The following SCARA3 variants were observed in gnomAD, a reference collection of about 807,000 sequenced individuals.
SCARA3 encodes cellular stress response gene protein.
Under a neutral mutation model 47.0 loss-of-function variants are expected in SCARA3, and 39 were observed. The observed-to-expected ratio is 0.83, with a 90% CI of 0.64 to 1.08. The LOEUF (loss-of-function observed/expected upper bound fraction) is 1.08. SCARA3 is among the 50% of genes least tolerant of loss of function. The pLI is 0.00. For synonymous variants in SCARA3, 356 were observed against 334.1 expected (o/e 1.07, Z -0.71); for missense variants, 724 against 792.3 (o/e 0.91, Z 1.04).
In SCARA3 at chr8:27,655,533, T is replaced by C. The variant is rs1456872005; in HGVS notation, c.227-1249T>C. On this transcript the variant is annotated intron_variant, in intron 3 of 5. Coordinates refer to ENST00000301904, the MANE Select transcript of SCARA3 (RefSeq NM_016240.3). ...GCCCGTGGGGTATAAAGTGGTGTAA[T>C]CTTTTCTGGGCAGCAGTTTGGCAGC... Among the ~76,000 whole-genome samples the C allele has an allele frequency of 3.9e-5, 6 of 152,178 alleles. No individual in the cohort carries two copies. In the East Asian group the frequency reaches 1.2e-3, roughly 29 times the overall value.
chr8:27,710,602 G>T, the SCARA3 span, among the ~76,000 whole-genome samples: 1 of 152,126 alleles, frequency 6.6e-6, no homozygotes, highest in Non-Finnish European at 1.5e-5. Context: ...AAAACAAACG[G>T]ATTGTTTTGA....
downstream of SCARA3, chr8:27,679,906 A>G (rs1257048082): frequency 6.6e-6 from 1 of 152,228 alleles, no homozygotes; most frequent in African/African-American, 2.4e-5. Flanking sequence ...CAAGGTTGAC[A>G]TGCAAATTCA....
intron 5 of SCARA3, among the ~76,000 whole-genome samples, chr8:27,660,792 T>C (rs1419750804): frequency 2.0e-5 from 3 of 150,064 alleles, no homozygotes; most frequent in African/African-American, 4.9e-5. Context: ...ACAGAGATGA[T>C]AGGGATGAGA....
At chr8:27,659,875 AAAGAGAGAG>A (rs1351009992) in intron 5 of SCARA3, among the ~76,000 whole-genome samples, 12 of 89,304 alleles carry the variant, frequency 1.3e-4, no homozygotes, top group African/African-American at 3.3e-4. Flanking sequence ...AAAAAAAAAA[AAAGAGAGAG>A]AGAGAGAAAA....
At chr8:27,698,772 T>A in the SCARA3 span, among the ~76,000 whole-genome samples, 3 of 152,098 alleles carry the variant, frequency 2.0e-5, no homozygotes, top group African/African-American at 7.2e-5. Context: ...CATAAAAATA[T>A]AAAATATATA....
At chr8:27,678,426 T>G (rs894157040), downstream of SCARA3, among the ~76,000 whole-genome samples, 4 of 150,612 alleles carry the variant, frequency 2.7e-5, no homozygotes, top group Admixed American at 2.6e-4. Flanking sequence ...ACAACTTACA[T>G]GAAAGTGGAC....
At chr8:27,676,549 A>G (rs763141710), downstream of SCARA3, 31 of 1,610,488 alleles carry the variant, frequency 1.9e-5, no homozygotes, top group Admixed American at 1.0e-4. Context: ...GAACATCTCA[A>G]TGTGTTTCAT....
At chr8:27,715,467 G>A in the SCARA3 span, among the ~76,000 whole-genome samples, 3 of 143,394 alleles carry the variant, frequency 2.1e-5, no homozygotes, top group Non-Finnish European at 4.6e-5. This position sits in a 1 kb window ranked among gnomAD's most constrained non-coding sequence, Gnocchi z 4.2. Context: ...TACCCTCCCC[G>A]CCCCACCCAT....
chr8:27,724,645 A>T, the SCARA3 span, among the ~76,000 whole-genome samples: 1 of 152,000 alleles, frequency 6.6e-6, no homozygotes, highest in African/African-American at 2.4e-5. Flanking sequence ...GCGACAGGGC[A>T]AGACTCCTTC....
downstream of SCARA3, chr8:27,679,738 C>T (rs1802330407): frequency 6.6e-6 from 1 of 152,146 alleles, no homozygotes; most frequent in Admixed American, 6.5e-5. Context: ...AGTCTCAATG[C>T]ATTTGAAAAA....
chr8:27,644,562 C>T (rs1801451465), intron 1 of SCARA3, among the ~76,000 whole-genome samples: 1 of 151,858 alleles, frequency 6.6e-6, no homozygotes, highest in African/African-American at 2.4e-5. Context: ...TCTTCCAAGC[C>T]CATCCGCTCC....
the SCARA3 span, among the ~76,000 whole-genome samples, chr8:27,691,898 G>A: frequency 3.9e-5 from 6 of 151,960 alleles, no homozygotes; most frequent in Non-Finnish European, 5.9e-5. Flanking sequence ...ATAAGACAAC[G>A]CCAGATCATG....
intron 3 of SCARA3, among the ~76,000 whole-genome samples, chr8:27,656,185 C>T (rs749342236): frequency 6.6e-6 from 1 of 152,182 alleles, no homozygotes; most frequent in African/African-American, 2.4e-5. Context: ...ACCATATTTA[C>T]ATAACTTTTA....
intron 1 of SCARA3, among the ~76,000 whole-genome samples, chr8:27,648,337 T>A (rs1199434350): frequency 6.6e-6 from 1 of 152,262 alleles, no homozygotes; most frequent in Admixed American, 6.5e-5. Context: ...CAGGGCGCAG[T>A]GGCTCACGCC....
chr8:27,706,780 G>A, the SCARA3 span, among the ~76,000 whole-genome samples: 1 of 152,066 alleles, frequency 6.6e-6, no homozygotes, highest in Non-Finnish European at 1.5e-5. Context: ...GGGAGGAGTC[G>A]GGACTATTTT....
At chr8:27,681,859 A>G in the SCARA3 span, among the ~76,000 whole-genome samples, 2 of 152,250 alleles carry the variant, frequency 1.3e-5, no homozygotes, top group African/African-American at 2.4e-5. Flanking sequence ...TCTATAGTCA[A>G]TGTAATCCCA....
At chr8:27,713,416 T>C in the SCARA3 span, among the ~76,000 whole-genome samples, 1 of 152,250 alleles carries the variant, frequency 6.6e-6, no homozygotes. Context: ...GTAGAGTAAC[T>C]CTTTCCTCTT....
At chr8:27,709,125 T>G in the SCARA3 span, among the ~76,000 whole-genome samples, 2 of 152,224 alleles carry the variant, frequency 1.3e-5, no homozygotes, top group Non-Finnish European at 2.9e-5. Flanking sequence ...TCATATTTAT[T>G]TATTTAATTA....
Position 27,651,533 on chromosome 8 carries a change from C to T in SCARA3, c.132C>T (p.Arg44=), listed in dbSNP as rs536607039. 6.2e-7 allele frequency: 1 copy of T among 1,613,530 alleles called. No homozygotes were observed. The highest frequency in any genetic ancestry group is 1.1e-5 in the South Asian group (1 of 91,066). The change falls in exon 3 of 6, where the codon CGC becomes CGT. Residue 44 remains arginine, a synonymous_variant. Coordinates refer to ENST00000301904, the MANE Select transcript of SCARA3 (RefSeq NM_016240.3). ...GCCGGCCAGGGCCCCGCTGCAGCCG[C>T]TGCCAGAAGAACCTATCTTTGCACA... is the stretch of plus-strand genomic sequence containing the variant. ...QKGRPGPRCS[R]CQKNLSLHTS...
Sources: allele counts gnomAD v4.1 joint callset (sites outside exome capture counted in the v4.1 genomes callset), GRCh38; gene constraint gnomAD v4.1.1; non-coding constraint Gnocchi (gnomAD v3.1); transcripts MANE v1.5; gene names NCBI Gene and HGNC (gene_info 2026-07-23, HGNC 2026-07-21).